The following GALNT13 variants were observed in gnomAD, a reference collection of about 807,000 sequenced individuals.
The protein encoded by GALNT13 is UDP-GalNAc:polypeptide N-acetylgalactosaminyltransferase 13.
Under a neutral mutation model 64.2 loss-of-function variants are expected in GALNT13, and 28 were observed. That is an observed-to-expected ratio of 0.44 (90% confidence interval 0.32 to 0.60). The LOEUF (loss-of-function observed/expected upper bound fraction) is 0.60, where lower values mean the gene tolerates loss of function less well. Ranked by LOEUF, GALNT13 falls within the 20% of genes least tolerant of loss-of-function variation. GALNT13 has a pLI of 0.05. For missense variants in GALNT13, 577 were observed against 669.8 expected (o/e 0.86, Z 1.53); for synonymous variants, 214 against 224.6 (o/e 0.95, Z 0.42).
intron 1 of GALNT13, among the ~76,000 whole-genome samples, chr2:153,878,063 T>C (rs1300050975): frequency 1.3e-5 from 2 of 152,322 alleles, no homozygotes; most frequent in Admixed American, 6.5e-5. Flanking sequence ...ACATTTTCAC[T>C]GACTGATAAT....
At chr2:153,120,853 C>A in the GALNT13 span, among the ~76,000 whole-genome samples, 12 of 152,208 alleles carry the variant, frequency 7.9e-5, no homozygotes, top group African/African-American at 2.9e-4. Context: ...AGAAAGCTTT[C>A]TGTTAACGAG....
At chr2:153,518,467 T>A in the GALNT13 span, among the ~76,000 whole-genome samples, 1 of 152,266 alleles carries the variant, frequency 6.6e-6, no homozygotes, top group African/African-American at 2.4e-5. Flanking sequence ...GTTTCTGAAG[T>A]AGAAATCCAA....
intron 1 of GALNT13, among the ~76,000 whole-genome samples, chr2:153,889,900 G>A (rs1687439318): frequency 6.6e-6 from 1 of 151,846 alleles, no homozygotes; most frequent in Admixed American, 6.6e-5. Flanking sequence ...TGCAATTATT[G>A]AATGCTTTTT....
intron 9 of GALNT13, among the ~76,000 whole-genome samples, chr2:154,391,072 C>T (rs1265479705): frequency 2.0e-5 from 3 of 152,178 alleles, no homozygotes; most frequent in Non-Finnish European, 4.4e-5. Context: ...CTTTTACGCT[C>T]ACACTCTATA....
the GALNT13 span, among the ~76,000 whole-genome samples, chr2:153,681,040 C>A: frequency 6.6e-6 from 1 of 151,884 alleles, no homozygotes; most frequent in African/African-American, 2.4e-5. Flanking sequence ...AGAAGTCCTC[C>A]AACAAAATGG....
At chr2:153,765,635 T>C in the GALNT13 span, among the ~76,000 whole-genome samples, 1 of 152,110 alleles carries the variant, frequency 6.6e-6, no homozygotes, top group Non-Finnish European at 1.5e-5. Context: ...TTTGGGGGAC[T>C]GTTGGGAAGG....
At chr2:154,262,278 C>T (rs1411191561) in intron 8 of GALNT13, among the ~76,000 whole-genome samples, 1 of 152,232 alleles carries the variant, frequency 6.6e-6, no homozygotes, top group East Asian at 1.9e-4. Context: ...GTTACCTCCT[C>T]ATTAAGGTTC....
chr2:153,251,939 C>A, the GALNT13 span, among the ~76,000 whole-genome samples: 32 of 151,878 alleles, frequency 2.1e-4, no homozygotes, highest in African/African-American at 4.6e-4. Flanking sequence ...ATACGTGTGC[C>A]TGTGTCTTTA....
chr2:154,385,887 A>G lies in GALNT13; in HGVS notation c.1157-10104A>G, dbSNP rs116617574. ...CAATATTTGTCAGATATAGGAAGTC[A>G]GTTGCTAAGGAAAAACACAGCTTTT... On this transcript the variant is annotated intron_variant, in intron 9 of 12. Transcript: ENST00000392825. Among the ~76,000 whole-genome samples, 692 of 152,182 alleles carry G rather than the reference A, an allele frequency of 4.5e-3. 6 individuals carry two copies. Among genetic ancestry groups the G allele is most frequent in the African/African-American group, 0.016 (662 of 41,576 alleles).
the GALNT13 span, among the ~76,000 whole-genome samples, chr2:153,708,209 A>G: frequency 5.3e-5 from 8 of 152,164 alleles, no homozygotes; most frequent in African/African-American, 1.7e-4. Flanking sequence ...AGACTAGAAG[A>G]AAACTACTGG....
chr2:153,334,558 T>G, the GALNT13 span, among the ~76,000 whole-genome samples: 1 of 152,202 alleles, frequency 6.6e-6, no homozygotes, highest in Non-Finnish European at 1.5e-5. Flanking sequence ...TTTTTTTTTT[T>G]TAATTTTGGC....
the GALNT13 span, among the ~76,000 whole-genome samples, chr2:153,538,720 C>T: frequency 1.2e-3 from 24 of 19,940 alleles, no homozygotes; most frequent in Middle Eastern, 9.3e-3. Flanking sequence ...AGGACATGAA[C>T]TCATCATTTT....
At chr2:154,239,273 T>A (rs1220494530) in intron 4 of GALNT13, among the ~76,000 whole-genome samples, 2 of 152,182 alleles carry the variant, frequency 1.3e-5, no homozygotes, top group Admixed American at 6.5e-5. Context: ...TGTTGGCATT[T>A]CGTGTAACAT....
Position 154,438,525 on chromosome 2 carries a change from A to G in GALNT13, c.1396-67A>G, listed in dbSNP as rs996471957. On this transcript the variant is annotated intron_variant, in intron 11 of 12. Transcript: ENST00000392825. ...TTATCTGATACGAAAGCTTCCCTGG[A>G]TAGATCTGCTCTATTGTGACATTTT... is the stretch of plus-strand genomic sequence containing the variant. The G allele has an allele frequency of 9.1e-6, 11 of 1,213,958 alleles. No individual in the cohort carries two copies. In the African/African-American group the frequency reaches 1.5e-4, roughly 17 times the overall value. The allele number at this position is 1,213,958 out of a possible 1,614,324, so 75.2% of individuals were successfully genotyped here. A position where few individuals can be genotyped will look rare whatever the true frequency, so the allele number is the denominator to read the frequency against.
the GALNT13 span, among the ~76,000 whole-genome samples, chr2:153,604,573 T>A: frequency 2.0e-5 from 3 of 152,200 alleles, no homozygotes; most frequent in Admixed American, 6.6e-5. Context: ...TAGATAAACC[T>A]GCTGGAAAAT....
chr2:153,457,654 C>T, the GALNT13 span, among the ~76,000 whole-genome samples: 42 of 152,126 alleles, frequency 2.8e-4, no homozygotes, highest in Non-Finnish European at 6.0e-4. Context: ...TAAAAAAAAT[C>T]ACTGAGTAAA....
chr2:153,398,747 T>C, the GALNT13 span, among the ~76,000 whole-genome samples: 57 of 146,708 alleles, frequency 3.9e-4, 1 homozygote, highest in African/African-American at 1.4e-3. Flanking sequence ...GTTCATGTCC[T>C]TCGCCCACTT....
the GALNT13 span, among the ~76,000 whole-genome samples, chr2:153,725,508 A>G: frequency 1.3e-5 from 2 of 151,686 alleles, no homozygotes; most frequent in African/African-American, 2.4e-5. Context: ...AAAAGCTAAT[A>G]TGACTAAGAT....
At chr2:153,319,426 C>A in the GALNT13 span, among the ~76,000 whole-genome samples, 2 of 152,048 alleles carry the variant, frequency 1.3e-5, no homozygotes, top group African/African-American at 2.4e-5. Flanking sequence ...GGTGCATATC[C>A]CCATGCCCAG....
Sources: allele counts gnomAD v4.1 joint callset (sites outside exome capture counted in the v4.1 genomes callset), GRCh38; gene constraint gnomAD v4.1.1; transcripts MANE v1.5; gene names NCBI Gene and HGNC (gene_info 2026-07-23, HGNC 2026-07-21).